PCDHA12: variants seen among roughly 807,000 people sequenced by gnomAD.
PCDHA12 encodes protocadherin alpha 12.
In PCDHA12, 44 loss-of-function variants were observed where a neutral mutation model predicts 60.0. That is an observed-to-expected ratio of 0.73 (90% CI 0.58 to 0.94). The LOEUF (loss-of-function observed/expected upper bound fraction) is 0.94, where lower values mean the gene tolerates loss of function less well. PCDHA12 is among the 40% of genes least tolerant of loss of function. The probability of loss-of-function intolerance (pLI) is 0.00; values close to 1 mark genes in which losing one functional copy is unlikely to be tolerated. For synonymous variants in PCDHA12, 569 were observed against 553.0 expected (o/e 1.03, Z -0.40); for missense variants, 1,276 against 1,239.7 (o/e 1.03, Z -0.44).
intron 1 of PCDHA12, among the ~76,000 whole-genome samples, chr5:140,880,559 G>A (rs929072104): frequency 2.0e-5 from 3 of 152,224 alleles, no homozygotes; most frequent in Non-Finnish European, 4.4e-5. Context: ...TGGAAATGAG[G>A]TTGAGAATTT....
chr5:140,941,251 CTTTCTCTT>C (rs1456097006), intron 1 of PCDHA12, among the ~76,000 whole-genome samples: 2 of 121,786 alleles, frequency 1.6e-5, no homozygotes, highest in Non-Finnish European at 3.5e-5. Context: ...TTCTTTCTTT[CTTTCTCTT>C]TCTTTCTTTC....
At chr5:140,961,558 A>T (rs1285175060) in intron 1 of PCDHA12, among the ~76,000 whole-genome samples, 1 of 151,976 alleles carries the variant, frequency 6.6e-6, no homozygotes, top group Admixed American at 6.6e-5. Context: ...TTCTTTTTTT[A>T]AATTTTGTTT....
rs782346022 is a variant in PCDHA12 at position 140,877,702 on chromosome 5, G to A, written c.2230G>A (p.Ala744Thr). The change falls in exon 1 of 4, where the codon GCC becomes ACC. Residue 744 changes from alanine to threonine, a missense_variant. Coordinates refer to ENST00000398631, the MANE Select transcript of PCDHA12 (RefSeq NM_018903.4). ...PGKPTLVCSS[A>T]VGSWSYSQQR... is the part of the protein sequence containing the mutation. Reference sequence around the variant, plus strand: ...CAAGCCCACGCTGGTGTGCTCCAGCGCCGTGGGGAGTTGGTCTTACTCGCA... The same window carrying A: ...CAAGCCCACGCTGGTGTGCTCCAGCACCGTGGGGAGTTGGTCTTACTCGCA... 52 of 1,613,876 alleles carry A rather than the reference G, an allele frequency of 3.2e-5. No homozygotes were observed. In the Admixed American group the frequency reaches 8.7e-4, roughly 27 times the overall value.
intron 1 of PCDHA12, among the ~76,000 whole-genome samples, chr5:140,937,187 G>A (rs1443565443): frequency 6.6e-6 from 1 of 151,764 alleles, no homozygotes; most frequent in Non-Finnish European, 1.5e-5. Context: ...ACAGGCGCCC[G>A]CCACCATGCC....
At chr5:140,879,257 G>A (rs782639090) in intron 1 of PCDHA12, among the ~76,000 whole-genome samples, 3 of 152,202 alleles carry the variant, frequency 2.0e-5, no homozygotes, top group Non-Finnish European at 4.4e-5. Flanking sequence ...AGTAGAAGCA[G>A]CCAGATAATG....
intron 1 of PCDHA12, among the ~76,000 whole-genome samples, chr5:140,962,524 G>T (rs1410879766): frequency 6.6e-6 from 1 of 152,012 alleles, no homozygotes; most frequent in Non-Finnish European, 1.5e-5. Flanking sequence ...TAATATATTA[G>T]TTTTTTAGAA....
At chr5:140,979,137 A>G (rs1554240284) in intron 2 of PCDHA12, 130 bp downstream of exon 2, 1 of 1,459,542 alleles carries the variant, frequency 6.9e-7, no homozygotes, top group Non-Finnish European at 9.0e-7. Context: ...GGAAAATGCA[A>G]TTATTTTGTC....
chr5:140,989,350 T>G (rs188962457), intron 3 of PCDHA12, among the ~76,000 whole-genome samples: 17 of 152,274 alleles, frequency 1.1e-4, no homozygotes, highest in African/African-American at 3.9e-4. Context: ...TCAAAGGTGA[T>G]AGGTCACCTG....
At chr5:140,917,332 G>GT (rs1293292013) in intron 1 of PCDHA12, among the ~76,000 whole-genome samples, 2 of 145,540 alleles carry the variant, frequency 1.4e-5, no homozygotes, top group Non-Finnish European at 3.0e-5. Flanking sequence ...GGCGGGGGAG[G>GT]GGGGGGATGG....
intron 1 of PCDHA12, chr5:140,966,215 A>G (rs1554228144): frequency 4.1e-6 from 1 of 244,868 alleles, no homozygotes; most frequent in Non-Finnish European, 7.7e-6. Flanking sequence ...CTTTTCCCAG[A>G]CTAATCTCCT....
chr5:141,002,099 GC>G (rs1399073427), intron 3 of PCDHA12, among the ~76,000 whole-genome samples: 9 of 152,362 alleles, frequency 5.9e-5, no homozygotes, highest in Non-Finnish European at 1.2e-4. Flanking sequence ...CAGGGGCTGG[GC>G]CGGAAACGGC....
intron 2 of PCDHA12, among the ~76,000 whole-genome samples, chr5:140,980,460 T>G (rs1554241839): frequency 6.6e-6 from 1 of 152,134 alleles, no homozygotes; most frequent in Non-Finnish European, 1.5e-5. Flanking sequence ...TGAAACCCTG[T>G]CTCTACTAAA....
rs375548936 is a variant in PCDHA12 at position 140,877,395 on chromosome 5, C to T, written c.1923C>T (p.Asp641=). ...ISTTRILDEA[D]APRHRLLVLV... The stretch of plus-strand genomic sequence containing the variant: ...CGACACGCATCCTGGATGAGGCGGA[C>T]GCTCCGCGCCACCGCCTGCTGGTGC... Residue 641 remains aspartate (D), a synonymous_variant, in exon 1 of 4, where the codon GAC becomes GAT. Coordinates refer to ENST00000398631, the MANE Select transcript of PCDHA12 (RefSeq NM_018903.4). The T allele has an allele frequency of 4.3e-6, 7 of 1,613,958 alleles. No homozygotes were observed. Among genetic ancestry groups the T allele is most frequent in the Middle Eastern group, 1.6e-4 (1 of 6,062 alleles).
chr5:140,969,907 G>A (rs2096367708), intron 1 of PCDHA12, among the ~76,000 whole-genome samples: 1 of 152,204 alleles, frequency 6.6e-6, no homozygotes, highest in Non-Finnish European at 1.5e-5. Context: ...CATGTCACAA[G>A]TGATAAAGCT....
rs997332881 is a variant in PCDHA12 at position 140,887,348 on chromosome 5, G to A, written c.2367+9509G>A. On this transcript the variant is annotated intron_variant, in intron 1 of 3. Transcript: ENST00000398631. ...CCTGACCTCGTGATCCACCTGGCTCGGCCTCCCAAAGTGCTGGGATTACAG... is the reference window on the plus strand; with the variant it reads ...CCTGACCTCGTGATCCACCTGGCTCAGCCTCCCAAAGTGCTGGGATTACAG... Among the ~76,000 whole-genome samples, 8 of 151,974 alleles carry A rather than the reference G, an allele frequency of 5.3e-5. 1 individual carries two copies. The highest frequency in any genetic ancestry group is 8.8e-5 in the Non-Finnish European group (6 of 67,980).
intron 1 of PCDHA12, among the ~76,000 whole-genome samples, chr5:140,893,379 ACAG>A (rs2063957000): frequency 6.6e-6 from 1 of 152,140 alleles, no homozygotes; most frequent in South Asian, 2.1e-4. Context: ...CATTTATGGG[ACAG>A]TGGCTCATGC....
At chr5:141,007,704 C>T (rs2098341593) in intron 3 of PCDHA12, among the ~76,000 whole-genome samples, 1 of 152,200 alleles carries the variant, frequency 6.6e-6, no homozygotes, top group African/African-American at 2.4e-5. Flanking sequence ...CCTCCTCTGC[C>T]TCCCACCACC....
intron 1 of PCDHA12, among the ~76,000 whole-genome samples, chr5:140,932,462 A>G (rs549858141): frequency 6.6e-6 from 1 of 152,022 alleles, no homozygotes; most frequent in African/African-American, 2.4e-5. Flanking sequence ...GCCAGGGTAT[A>G]TAGGAAATAG....
At chr5:141,004,348 C>A (rs1554259549) in intron 3 of PCDHA12, among the ~76,000 whole-genome samples, 1 of 152,216 alleles carries the variant, frequency 6.6e-6, no homozygotes, top group Non-Finnish European at 1.5e-5. Context: ...CTGTGAGGGA[C>A]TGGAGAGACC....
Sources: gnomAD v4.1 joint callset for allele counts (sites outside exome capture counted in the v4.1 genomes callset) on GRCh38, gnomAD v4.1.1 for gene constraint, MANE v1.5 for transcripts, NCBI Gene and HGNC (gene_info 2026-07-23, HGNC 2026-07-21) for gene names.